Variants in AK8 observed in about 807,000 individuals in gnomAD.
AK8 encodes the protein adenylate kinase 8, also known as ATP-AMP transphosphorylase 8.
In AK8, 44 loss-of-function variants were observed where a neutral mutation model predicts 54.6. The ratio of observed to expected loss-of-function variants is 0.81; its 90% confidence interval spans 0.63 to 1.04. The LOEUF is 1.04. Among genes scored for constraint, AK8 ranks in the 50% least tolerant of loss-of-function variants. The pLI is 0.00. For synonymous variants in AK8, 239 were observed against 245.6 expected, an observed-to-expected ratio of 0.97 and a Z score of 0.25; for missense variants, 555 against 613.6, an observed-to-expected ratio of 0.90 and a Z score of 1.01.
rs1841240491 is a variant in AK8 at position 132,814,738 on chromosome 9, G to A, written c.890-11C>T. 1.2e-6 allele frequency: 2 copies of A among 1,612,056 alleles called. No homozygotes were observed. Among genetic ancestry groups the A allele is most frequent in the African/African-American group, 1.3e-5 (1 of 74,730 alleles). On this transcript the variant is annotated splice_polypyrimidine_tract_variant and intron_variant, in intron 9 of 12. Transcript: ENST00000298545. ...GTTGCCCACAGCAGACTGAAGGAGA[G>A]GGGAACAGAAAGACACCCATTAAAT...
intron 11 of AK8, among the ~76,000 whole-genome samples, chr9:132,767,750 A>G (rs1054133588): frequency 2.0e-5 from 3 of 152,230 alleles, no homozygotes; most frequent in Admixed American, 2.0e-4. Flanking sequence ...TGTGGTATAT[A>G]TACACAATGA....
chr9:132,876,478 T>A (rs1465204320), intron 1 of AK8, among the ~76,000 whole-genome samples: 1 of 152,220 alleles, frequency 6.6e-6, no homozygotes, highest in Non-Finnish European at 1.5e-5. Flanking sequence ...GTAGCGGTTA[T>A]GCAAATCTGT....
chr9:132,814,248 C>T (rs1841209845), intron 10 of AK8, among the ~76,000 whole-genome samples: 1 of 124,770 alleles, frequency 8.0e-6, no homozygotes, highest in African/African-American at 3.1e-5. Context: ...CACTGCACTC[C>T]AGTCTGAGTG....
At chr9:132,815,170 G>C (rs1283483363) in intron 9 of AK8, among the ~76,000 whole-genome samples, 1 of 152,250 alleles carries the variant, frequency 6.6e-6, no homozygotes, top group Admixed American at 6.5e-5. Context: ...ACACAGCAGA[G>C]GGGGTGCAGT....
chr9:132,848,904 T>A (rs1025366836), intron 5 of AK8, among the ~76,000 whole-genome samples: 2 of 145,192 alleles, frequency 1.4e-5, no homozygotes, highest in African/African-American at 5.3e-5. Flanking sequence ...CACTCCTGTT[T>A]GCTTTTTTTT....
intron 11 of AK8, among the ~76,000 whole-genome samples, chr9:132,771,209 T>A (rs552168860): frequency 1.3e-5 from 2 of 152,288 alleles, no homozygotes; most frequent in African/African-American, 4.8e-5. Context: ...CACCCTTTCC[T>A]GGTCTTGCTG....
chr9:132,867,718 CCTT>C (rs1843661991), intron 2 of AK8, among the ~76,000 whole-genome samples: 1 of 152,222 alleles, frequency 6.6e-6, no homozygotes, highest in Non-Finnish European at 1.5e-5. Flanking sequence ...ATTCAGTGGC[CCTT>C]TCTCTGTTCT....
At position 132,799,552 on chromosome 9, in the gene AK8, C is replaced by T. The variant is rs1226803387; in HGVS notation, c.980-6777G>A. On this transcript the variant is annotated intron_variant, in intron 10 of 12. Transcript: ENST00000298545. This position sits in a 1 kb window ranked among gnomAD's most constrained non-coding sequence, Gnocchi z 5.0. ...GACACCTGACACACTACAACACACA[C>T]AGGCACGCACACACACAGACATGTG... Among the ~76,000 whole-genome samples the T allele has an allele frequency of 6.6e-6, 1 of 151,950 alleles. No homozygotes were observed. The highest frequency in any genetic ancestry group is 1.5e-5 in the Non-Finnish European group (1 of 67,982).
chr9:132,730,149 C>T (rs1836768227), intron 11 of AK8, among the ~76,000 whole-genome samples: 3 of 152,088 alleles, frequency 2.0e-5, no homozygotes, highest in South Asian at 4.1e-4. Flanking sequence ...CTTTTCTGTT[C>T]GTTTCAGACT....
intron 7 of AK8, 127 bp from the exon 8 acceptor site, chr9:132,827,181 C>T (rs551551577): frequency 8.4e-5 from 72 of 857,770 alleles, no homozygotes; most frequent in South Asian, 6.9e-4. Flanking sequence ...TGGCTGACCA[C>T]GGCAGGACAC....
At chr9:132,878,535 GACCC>G, upstream of AK8, 1 of 1,175,136 alleles carries the variant, frequency 8.5e-7, no homozygotes, top group Non-Finnish European at 1.1e-6. The surrounding 1 kb of genome is among the most constrained non-coding windows in gnomAD (Gnocchi z 4.7). Flanking sequence ...TCGTATCTGA[GACCC>G]CCGACGAAAC....
chr9:132,780,121 C>G (rs1330362539), intron 11 of AK8, among the ~76,000 whole-genome samples: 1 of 151,994 alleles, frequency 6.6e-6, no homozygotes, highest in African/African-American at 2.4e-5. Context: ...TGGACGTGAT[C>G]TGGGAACAAA....
intron 11 of AK8, among the ~76,000 whole-genome samples, chr9:132,765,292 C>CAAAAAAAAAAAAAAAAAAAAAA (rs61495439): frequency 8.0e-5 from 5 of 62,810 alleles, no homozygotes; most frequent in African/African-American, 3.3e-4. Flanking sequence ...GACTCCATTT[C>CAAAAAAAAAAAAAAAAAAAAAA]AAAAAAAAAA....
chr9:132,748,011 A>G (rs1027830366), intron 11 of AK8, among the ~76,000 whole-genome samples: 2 of 151,440 alleles, frequency 1.3e-5, no homozygotes, highest in African/African-American at 4.8e-5. Context: ...AGGCAGGAGA[A>G]TCGCTTGAAC....
intron 3 of AK8, among the ~76,000 whole-genome samples, chr9:132,865,607 G>A (rs1843556778): frequency 6.6e-6 from 1 of 151,754 alleles, no homozygotes; most frequent in South Asian, 2.1e-4. Context: ...GAGGTCAAGA[G>A]ATCAAGACCA....
chr9:132,788,624 A>G (rs1372688854), intron 11 of AK8, among the ~76,000 whole-genome samples: 1 of 152,238 alleles, frequency 6.6e-6, no homozygotes, highest in Non-Finnish European at 1.5e-5. Context: ...TAATATATTT[A>G]AAGACAGGGG....
At chr9:132,861,925 A>G (rs1843405498) in intron 4 of AK8, among the ~76,000 whole-genome samples, 2 of 152,320 alleles carry the variant, frequency 1.3e-5, no homozygotes, top group African/African-American at 4.8e-5. Flanking sequence ...AAGGACCCCA[A>G]CAAGACACCC....
intron 11 of AK8, among the ~76,000 whole-genome samples, chr9:132,787,168 T>A (rs748437336): frequency 3.9e-5 from 6 of 151,998 alleles, no homozygotes; most frequent in Non-Finnish European, 7.4e-5. Flanking sequence ...GAAGATCCAA[T>A]ACCCAAATAA....
chr9:132,739,770 A>T (rs554180244), intron 11 of AK8, among the ~76,000 whole-genome samples: 1 of 152,234 alleles, frequency 6.6e-6, no homozygotes, highest in South Asian at 2.1e-4. Context: ...TTCTACTAAC[A>T]TGGAAGTCAG....
Sources: allele counts gnomAD v4.1 joint callset (sites outside exome capture counted in the v4.1 genomes callset), GRCh38; gene constraint gnomAD v4.1.1; non-coding constraint Gnocchi (gnomAD v3.1); transcripts MANE v1.5; gene names NCBI Gene and HGNC (gene_info 2026-07-23, HGNC 2026-07-21).